Variants in PRKN observed in about 807,000 individuals in gnomAD.
The protein encoded by PRKN is parkin RBR E3 ubiquitin protein ligase.
PRKN carries 56 observed loss-of-function variants against 59.5 expected under a neutral mutation model. The ratio of observed to expected loss-of-function variants is 0.94; its 90% CI spans 0.76 to 1.18. The LOEUF (loss-of-function observed/expected upper bound fraction) is 1.18. Among genes scored for constraint, PRKN ranks in the 50% most tolerant of loss-of-function variants. The probability of loss-of-function intolerance (pLI) is 0.00; values close to 1 mark genes in which losing one functional copy is unlikely to be tolerated. For missense variants in PRKN, 657 were observed against 596.4 expected (o/e 1.10, Z -1.06); for synonymous variants, 250 against 222.1 (o/e 1.13, Z -1.12).
At chr6:162,482,981 T>C (rs1453188729) in intron 1 of PRKN, among the ~76,000 whole-genome samples, 1 of 152,206 alleles carries the variant, frequency 6.6e-6, no homozygotes, top group Non-Finnish European at 1.5e-5. Flanking sequence ...TTGACGGATG[T>C]GTAAGACTTG....
chr6:162,002,229 C>G (rs1313137809), intron 5 of PRKN, among the ~76,000 whole-genome samples: 2 of 151,992 alleles, frequency 1.3e-5, no homozygotes, highest in Non-Finnish European at 2.9e-5. Flanking sequence ...TTGTATAGAA[C>G]TGGTAAAATT....
intron 3 of PRKN, among the ~76,000 whole-genome samples, chr6:162,233,833 T>G (rs1365609436): frequency 2.6e-5 from 4 of 152,150 alleles, no homozygotes; most frequent in Non-Finnish European, 5.9e-5. Flanking sequence ...GAGATACGAA[T>G]GGACATGCAT....
At chr6:162,272,675 C>G (rs1456902094) in intron 2 of PRKN, among the ~76,000 whole-genome samples, 13 of 152,016 alleles carry the variant, frequency 8.6e-5, no homozygotes, top group Admixed American at 7.2e-4. Flanking sequence ...AACATCTGCG[C>G]AAGGTGTTTA....
chr6:161,732,091 ATT>A (rs397888692), intron 7 of PRKN, among the ~76,000 whole-genome samples: 4 of 142,156 alleles, frequency 2.8e-5, no homozygotes, highest in African/African-American at 5.1e-5. Context: ...TTCTTGTTCT[ATT>A]TTTTTTTTTT....
intron 6 of PRKN, among the ~76,000 whole-genome samples, chr6:161,876,971 C>T (rs1379720293): frequency 2.0e-5 from 3 of 152,094 alleles, no homozygotes; most frequent in East Asian, 3.9e-4. Context: ...AGTATTCATA[C>T]TTCTTGACTA....
chr6:162,470,024 T>C (rs1791651853), intron 1 of PRKN, among the ~76,000 whole-genome samples: 1 of 152,098 alleles, frequency 6.6e-6, no homozygotes, highest in Admixed American at 6.6e-5. Context: ...GGAAACTACA[T>C]GAGGACAGAT....
At chr6:162,403,562 T>A (rs933763185) in intron 2 of PRKN, among the ~76,000 whole-genome samples, 1 of 152,186 alleles carries the variant, frequency 6.6e-6, no homozygotes, top group Non-Finnish European at 1.5e-5. Flanking sequence ...AGGGCACCGG[T>A]GATTCCTTTC....
intron 4 of PRKN, among the ~76,000 whole-genome samples, chr6:162,158,888 C>A (rs1324204748): frequency 2.0e-5 from 3 of 152,008 alleles, no homozygotes. Context: ...AGCTAGTGCG[C>A]CCATGTTAAA....
chr6:161,848,057 G>C (rs1191192116), intron 6 of PRKN, among the ~76,000 whole-genome samples: 2 of 152,178 alleles, frequency 1.3e-5, no homozygotes, highest in African/African-American at 4.8e-5. Context: ...TACCAAAAGA[G>C]ACTGGAATTA....
At chr6:161,595,264 G>A (rs892449449) in intron 7 of PRKN, among the ~76,000 whole-genome samples, 4 of 152,052 alleles carry the variant, frequency 2.6e-5, no homozygotes, top group African/African-American at 9.7e-5. Context: ...AAGTTTTTCT[G>A]GTAATCTCTC....
At chr6:161,793,688 T>A (rs1439135044) in intron 6 of PRKN, among the ~76,000 whole-genome samples, 1 of 152,076 alleles carries the variant, frequency 6.6e-6, no homozygotes, top group Non-Finnish European at 1.5e-5. Flanking sequence ...CTAGCCTATC[T>A]CTGGGGTTGG....
chr6:162,661,414 A>G (rs1339614760), intron 1 of PRKN, among the ~76,000 whole-genome samples: 2 of 152,220 alleles, frequency 1.3e-5, no homozygotes, highest in Non-Finnish European at 2.9e-5. Context: ...GATTAAAATC[A>G]GGTTAAAGCA....
chr6:161,628,325 G>A (rs1033142536), intron 7 of PRKN, among the ~76,000 whole-genome samples: 2 of 152,172 alleles, frequency 1.3e-5, no homozygotes, highest in African/African-American at 4.8e-5. Context: ...AGGTTGCAAG[G>A]CCAAGATCAA....
chr6:162,501,312 A>AT (rs951354696), intron 1 of PRKN, among the ~76,000 whole-genome samples: 5 of 151,350 alleles, frequency 3.3e-5, no homozygotes, highest in Middle Eastern at 3.2e-3. Context: ...CGTGAAATCC[A>AT]TATCTTTAAA....
chr6:161,820,600 T>C (rs1277573913), intron 6 of PRKN, among the ~76,000 whole-genome samples: 1 of 147,806 alleles, frequency 6.8e-6, no homozygotes, highest in East Asian at 1.9e-4. Context: ...ATTACAAATA[T>C]AATTACATAA....
intron 2 of PRKN, among the ~76,000 whole-genome samples, chr6:162,327,565 G>C (rs976862476): frequency 6.2e-5 from 9 of 144,030 alleles, no homozygotes; most frequent in African/African-American, 2.3e-4. Flanking sequence ...GAAAATGTTA[G>C]GTCCTTGACA....
intron 1 of PRKN, among the ~76,000 whole-genome samples, chr6:162,567,687 T>C (rs1433693337): frequency 6.6e-6 from 1 of 152,214 alleles, no homozygotes; most frequent in African/African-American, 2.4e-5. Context: ...ATGTCCATAC[T>C]ACACAAAGCA....
intron 6 of PRKN, among the ~76,000 whole-genome samples, chr6:161,881,661 C>T (rs1379980059): frequency 6.6e-6 from 1 of 152,136 alleles, no homozygotes; most frequent in Non-Finnish European, 1.5e-5. Context: ...TGGAATTCAA[C>T]AATAAGGTTA....
chr6:161,973,459 T>C, intron 5 of PRKN, 42 bp from the exon 6 acceptor site: 2 of 1,109,536 alleles, frequency 1.8e-6, no homozygotes, highest in Non-Finnish European at 2.8e-6. Flanking sequence ...GGATCCCGGC[T>C]GCTCATTTTT....
Sources: allele counts gnomAD v4.1 joint callset (sites outside exome capture counted in the v4.1 genomes callset), GRCh38; gene constraint gnomAD v4.1.1; transcripts MANE v1.5; gene names NCBI Gene and HGNC (gene_info 2026-07-23, HGNC 2026-07-21).